ACE: variants seen among roughly 807,000 people sequenced by gnomAD.
ACE encodes angiotensin I converting enzyme.
ACE carries 122 observed loss-of-function variants against 162.3 expected under a neutral mutation model. That is an observed-to-expected ratio of 0.75 (90% confidence interval 0.65 to 0.87). ACE has a LOEUF of 0.87. Among genes scored for constraint, ACE ranks in the 40% least tolerant of loss-of-function variants. The pLI, the probability that ACE is intolerant of heterozygous loss-of-function variation, is 0.00. For synonymous variants in ACE, 796 were observed against 720.6 expected (o/e 1.10, Z -1.68); for missense variants, 1,799 against 1,735.1 (o/e 1.04, Z -0.65).
intron 17 of ACE, 167 bp from the exon 18 acceptor site, chr17:63,490,787 G>A: frequency 1.4e-6 from 1 of 695,254 alleles, no homozygotes; most frequent in Admixed American, 2.0e-5. Flanking sequence ...GGCTGGATAT[G>A]CACACCAAAG....
chr17:63,477,859 C>T (rs748472935), intron 1 of ACE, 72 bp from the exon 2 acceptor site: 6 of 1,544,778 alleles, frequency 3.9e-6, no homozygotes, highest in East Asian at 4.9e-5. Flanking sequence ...TCCCCCAGCA[C>T]CGTGGCTTCT....
chr17:63,487,894 A>C (rs2030073583), intron 15 of ACE, among the ~76,000 whole-genome samples: 1 of 152,210 alleles, frequency 6.6e-6, no homozygotes, highest in South Asian at 2.1e-4. Flanking sequence ...TTTTCCCAGG[A>C]CAGGGTTTGG....
intron 3 of ACE, 148 bp from the exon 4 acceptor site, chr17:63,479,621 C>A (rs2049673950): frequency 1.9e-6 from 2 of 1,059,348 alleles, no homozygotes; most frequent in Admixed American, 2.0e-5. Context: ...CCCCTCCCAC[C>A]AGGCCTGTAG....
At position 63,484,400 on chromosome 17, in the gene ACE, C is replaced by G; in HGVS notation, c.1780C>G (p.Leu594Val). 1 of 1,612,132 alleles carries G rather than the reference C, an allele frequency of 6.2e-7. No individual in the cohort carries two copies. ...VLKDMVGLDA[L>V]DAQPLLKYFQ... is the part of the protein sequence containing the mutation. ...GAAGGACATGGTCGGCTTAGATGCC[C>G]TGGATGCCCAGCCGCTGCTCAAGTA... The change falls in exon 12 of 25, where the codon CTG (leucine) becomes GTG (valine). Residue 594 changes from leucine to valine, a missense_variant. Coordinates refer to ENST00000290866, the MANE Select transcript of ACE (RefSeq NM_000789.4). The surrounding 1 kb of genome is among the most constrained non-coding windows in gnomAD (Gnocchi z 4.0).
intron 4 of ACE, 129 bp from the exon 5 acceptor site, chr17:63,480,208 C>A: frequency 1.9e-6 from 2 of 1,052,210 alleles, no homozygotes; most frequent in Non-Finnish European, 2.8e-6. Context: ...AGAGTGGCAA[C>A]CCCCAAGCCA....
chr17:63,480,625 C>A (rs904836892), intron 5 of ACE, 97 bp downstream of exon 5: 22 of 1,315,680 alleles, frequency 1.7e-5, no homozygotes, highest in Non-Finnish European at 2.3e-5. Flanking sequence ...TGGGTTGTGA[C>A]CCTCACATCT....
rs1183505090 is a variant in ACE at position 63,485,376 on chromosome 17, G to A, written c.2058+4G>A. 2 of 1,613,558 alleles carry A rather than the reference G, an allele frequency of 1.2e-6. No homozygotes were observed. Among genetic ancestry groups the A allele is most frequent in the Admixed American group, 1.7e-5 (1 of 59,982 alleles). On this transcript the variant is annotated splice_donor_region_variant and intron_variant, in intron 13 of 24. Coordinates refer to ENST00000290866, the MANE Select transcript of ACE (RefSeq NM_000789.4). ...CACAGAGACCAGCAAGATTCTGGTG[G>A]GAGCCACCTCCCCACCCCCAAACCT...
chr17:63,482,325 T>G, intron 7 of ACE, 141 bp from the exon 8 acceptor site: 2 of 720,882 alleles, frequency 2.8e-6, no homozygotes, highest in Admixed American at 2.4e-5. Context: ...AAAAAAGAAG[T>G]TACTTGTTTC....
Position 63,491,127 on chromosome 17 carries a change from T to C in ACE, c.2739+76T>C, listed in dbSNP as rs772638093. On this transcript the variant is annotated intron_variant, in intron 18 of 24. Coordinates refer to ENST00000290866, the MANE Select transcript of ACE (RefSeq NM_000789.4). This position sits in a 1 kb window ranked among gnomAD's most constrained non-coding sequence, Gnocchi z 4.4. ...TCTGATTCAGGAGTTCCCTCCAGTT[T>C]AGCCCTCCCCCGGGATCCCCACGGC... 2.1e-4 allele frequency: 331 copies of C among 1,610,790 alleles called. No individual in the cohort carries two copies. The highest frequency in any genetic ancestry group is 2.6e-4 in the Non-Finnish European group (302 of 1,178,082).
At position 63,478,108 on chromosome 17, in the gene ACE, G is replaced by A. The variant is rs561973858; in HGVS notation, c.417+10G>A. ...GGCTAAGCGGCAGCAGGTGGGCTGA[G>A]GGCTGAGGCAGAGCTCGGGGGCGGC... On this transcript the variant is annotated intron_variant, in intron 2 of 24. Coordinates refer to ENST00000290866, the MANE Select transcript of ACE (RefSeq NM_000789.4). The A allele has an allele frequency of 1.9e-5, 30 of 1,572,562 alleles. No homozygotes were observed. The South Asian group carries it at 3.4e-4, about 18-fold the overall frequency.
In ACE at chr17:63,483,663, C is replaced by G; in HGVS notation, c.1586+105C>G. ...CATCCCCAGGGCTTGTCCCCATGCT[C>G]CTCCAGACCTCAAAGGCCTGGAGTT... On this transcript the variant is annotated intron_variant, in intron 10 of 24. Coordinates refer to ENST00000290866, the MANE Select transcript of ACE (RefSeq NM_000789.4). 2.2e-6 allele frequency: 3 copies of G among 1,381,126 alleles called. No homozygotes were observed. In the Admixed American group the frequency reaches 5.1e-5, roughly 23 times the overall value. The allele number at this position is 1,381,126 out of a possible 1,614,324, so 85.6% of individuals were successfully genotyped here.
Position 63,498,217 on chromosome 17 carries a change from C to T in ACE, c.*851C>T, listed in dbSNP as rs1036267301. 6 of 152,288 alleles carry T rather than the reference C, an allele frequency of 3.9e-5. No homozygotes were observed. Among genetic ancestry groups the T allele is most frequent in the Admixed American group, 6.5e-5 (1 of 15,288 alleles). The allele number at this position is 152,288 out of a possible 1,614,324, so 9.4% of individuals were successfully genotyped here. A position where few individuals can be genotyped will look rare whatever the true frequency, so the allele number is the denominator to read the frequency against. On this transcript the variant is annotated 3_prime_UTR_variant, in exon 25 of 25. Transcript: ENST00000290866. ...CACAGGGATTAGCTGCCAGCAGCCA[C>T]CCTGCTGGCGTCCCAGCACACACCT...
At chr17:63,478,586 C>T (rs555657659) in intron 2 of ACE, 46 of 330,176 alleles carry the variant, frequency 1.4e-4, no homozygotes, top group African/African-American at 9.6e-4. Context: ...TCACCTGAGC[C>T]CAGGAGGTCA....
intron 1 of ACE, 23 bp downstream of exon 1, chr17:63,477,366 G>T (rs1311667855): frequency 2.4e-6 from 3 of 1,227,782 alleles, no homozygotes; most frequent in Admixed American, 4.3e-5. Flanking sequence ...GCCCGGGCGG[G>T]GGCGGGGCGG....
rs754170219 is a variant in ACE, at chr17:63,483,014, C to T, written c.1343-15C>T. The T allele has an allele frequency of 1.2e-6, 2 of 1,613,904 alleles. No homozygotes were observed. Among genetic ancestry groups the T allele is most frequent in the South Asian group, 2.2e-5 (2 of 91,072 alleles). ...TCTGACCTCTTCCCTCTCCTTTCAT[C>T]TCATCTCCCAACAGAAAGTGACATC... On this transcript the variant is annotated splice_polypyrimidine_tract_variant and intron_variant, in intron 8 of 24. Transcript: ENST00000290866.
chr17:63,481,027 G>A lies in ACE; in HGVS notation c.848-64G>A, dbSNP rs192454466. On this transcript the variant is annotated intron_variant, in intron 5 of 24. Transcript: ENST00000290866. ...TGCCGGCCCCAGGGTGCCACTCAGC[G>A]ATGCATGAAGAAGCAGGCACAGCCA... 4.6e-3 allele frequency: 6,943 copies of A among 1,513,970 alleles called. 27 individuals carry two copies. Among genetic ancestry groups the A allele is most frequent in the Non-Finnish European group, 5.2e-3 (5,656 of 1,089,312 alleles). 93.8% of individuals were successfully genotyped at this position (1,513,970 alleles called of 1,614,324 possible).
chr17:63,497,257 T>C lies in ACE; in HGVS notation c.3812T>C (p.Val1271Ala). ...CTCTTCCTGGGCATCGCCCTGCTGGTAGCCACCCTGGGCCTCAGCCAGCGG... is the reference window on the plus strand; with the variant it reads ...CTCTTCCTGGGCATCGCCCTGCTGGCAGCCACCCTGGGCCTCAGCCAGCGG... The part of the protein sequence containing the change: ...LLLFLGIALL[V>A]ATLGLSQRLF... Residue 1271 changes from valine (V) to alanine (A), a missense_variant, in exon 25 of 25, where the codon GTA becomes GCA. Physicochemically the swap from Val to Ala is moderately conservative, Grantham distance 64. Transcript: ENST00000290866. The C allele has an allele frequency of 6.4e-7, 1 of 1,571,868 alleles. No homozygotes were observed. The highest frequency in any genetic ancestry group is 1.3e-5 in the African/African-American group (1 of 74,402).
At position 63,482,651 on chromosome 17, in the gene ACE, A is replaced by T. The variant is rs757195769; in HGVS notation, c.1304A>T (p.His435Leu). The change falls in exon 8 of 25, where the codon CAC becomes CTC. Residue 435 changes from histidine to leucine, a missense_variant. Transcript: ENST00000290866. ...TCGGTCTCCACTCCTGAACATCTGC[A>T]CAAAATCGGCCTGCTGGACCGTGTC... ...ALSVSTPEHL[H>L]KIGLLDRVTN... is the part of the protein sequence containing the mutation. 1 of 1,613,890 alleles carries T rather than the reference A, an allele frequency of 6.2e-7. No homozygotes were observed. The highest frequency in any genetic ancestry group is 2.2e-5 in the East Asian group (1 of 44,860).
intron 22 of ACE, among the ~76,000 whole-genome samples, chr17:63,494,749 A>G (rs750976928): frequency 6.6e-6 from 1 of 152,268 alleles, no homozygotes; most frequent in African/African-American, 2.4e-5. Context: ...AGTAGTTAAC[A>G]TTAACCACGA....
Sources: gnomAD v4.1 joint callset for allele counts (sites outside exome capture counted in the v4.1 genomes callset) on GRCh38, gnomAD v4.1.1 for gene constraint, Gnocchi (gnomAD v3.1) non-coding constraint, MANE v1.5 for transcripts, NCBI Gene and HGNC (gene_info 2026-07-23, HGNC 2026-07-21) for gene names.